PDLIM3: variants seen among roughly 807,000 people sequenced by gnomAD.
PDLIM3 encodes PDZ and LIM domain protein 3.
A neutral mutation model predicts 37.3 loss-of-function variants in PDLIM3; 36 were observed. That is an observed-to-expected ratio of 0.97 (90% CI 0.74 to 1.28). The LOEUF (loss-of-function observed/expected upper bound fraction) is 1.28, where lower values mean the gene tolerates loss of function less well. Ranked by LOEUF, PDLIM3 falls within the 50% of genes most tolerant of loss-of-function variation. PDLIM3 has a pLI of 0.00. For missense variants in PDLIM3, 454 were observed against 485.0 expected, an observed-to-expected ratio of 0.94 and a Z score of 0.60; for synonymous variants, 174 against 182.4, an observed-to-expected ratio of 0.95 and a Z score of 0.37.
chr4:185,501,561 TTAAC>T lies in PDLIM3; in HGVS notation c.*729_*732del, dbSNP rs1371622987. ...TAATTTGAAAGAGACTGAACTACCT[TTAAC>T]TAGCAAATTTCAACGCTTCTATCAT... On this transcript the variant is annotated 3_prime_UTR_variant, in exon 8 of 8. Coordinates refer to ENST00000284767, the MANE Select transcript of PDLIM3 (RefSeq NM_014476.6). The T allele has an allele frequency of 3.3e-5, 5 of 152,314 alleles. No homozygotes were observed. The highest frequency in any genetic ancestry group is 2.1e-4 in the South Asian group (1 of 4,842). 9.4% of individuals were successfully genotyped at this position (152,314 alleles called of 1,614,324 possible).
chr4:185,530,021 CT>C (rs2095741239), intron 1 of PDLIM3, among the ~76,000 whole-genome samples: 1 of 152,234 alleles, frequency 6.6e-6, no homozygotes, highest in East Asian at 1.9e-4. Flanking sequence ...ATACATGTTC[CT>C]TTTTTTCTGC....
chr4:185,516,537 G>C (rs2095715273), intron 3 of PDLIM3: 1 of 152,184 alleles, frequency 6.6e-6, no homozygotes, highest in Admixed American at 6.5e-5. Flanking sequence ...TAAGACCAGA[G>C]TTTTTCATAG....
Position 185,502,452 on chromosome 4 carries a change from G to C in PDLIM3, c.937C>G (p.Arg313Gly), listed in dbSNP as rs144286715. ...GCACACACGAAGCACTCAGGGTGCC[G>C]GTACTTATCCCGCGCCTTCACCACA... is the stretch of plus-strand genomic sequence containing the variant. The part of the protein sequence containing the change: ...GAVVKARDKY[R>G]HPECFVCADC... The change falls in exon 8 of 8, where the codon CGG becomes GGG. Residue 313 changes from arginine (R) to glycine (G), a missense_variant. Arg to Gly is a moderately radical substitution (Grantham distance 125). Coordinates refer to ENST00000284767, the MANE Select transcript of PDLIM3 (RefSeq NM_014476.6). 6.2e-7 allele frequency: 1 copy of C among 1,614,030 alleles called. No homozygotes were observed. Among genetic ancestry groups the C allele is most frequent in the Non-Finnish European group, 8.5e-7 (1 of 1,180,046 alleles).
Position 185,516,431 on chromosome 4 carries a change from TG to T in PDLIM3, c.331-2095del, listed in dbSNP as rs1048005607. 6.6e-5 allele frequency: 10 copies of T among 152,194 alleles called. 1 individual carries two copies. Among genetic ancestry groups the T allele is most frequent in the Admixed American group, 5.2e-4 (8 of 15,282 alleles). 9.4% of individuals were successfully genotyped at this position (152,194 alleles called of 1,614,324 possible). ...TTTCTCCTTTTCATTTCAGATAAGT[TG>T]TGGGTTATGCTTTTCTGTTAGAAAA... On this transcript the variant is annotated intron_variant, in intron 3 of 7. Transcript: ENST00000284767.
chr4:185,510,954 G>A (rs2095705607), intron 4 of PDLIM3, among the ~76,000 whole-genome samples: 1 of 152,226 alleles, frequency 6.6e-6, no homozygotes, highest in Admixed American at 6.5e-5. Flanking sequence ...GGGTCACCAC[G>A]ACCTGTTCCT....
intron 3 of PDLIM3, among the ~76,000 whole-genome samples, chr4:185,520,026 T>C (rs1273313686): frequency 2.6e-5 from 4 of 152,246 alleles, no homozygotes; most frequent in African/African-American, 4.8e-5. Context: ...AGCTTTGTAT[T>C]ACTTAGAAAA....
chr4:185,524,980 CA>C (rs1580261447), intron 2 of PDLIM3, 39 bp downstream of exon 2: 6 of 1,606,696 alleles, frequency 3.7e-6, no homozygotes, highest in Non-Finnish European at 5.1e-6. Context: ...GGTTCTCCTG[CA>C]AAACAGATCA....
In PDLIM3 at chr4:185,504,752, A is replaced by T. The variant is rs1448896583; in HGVS notation, c.794-166T>A. On this transcript the variant is annotated intron_variant, in intron 6 of 7. Coordinates refer to ENST00000284767, the MANE Select transcript of PDLIM3 (RefSeq NM_014476.6). This position sits in a 1 kb window ranked among gnomAD's most constrained non-coding sequence, Gnocchi z 4.7. ...AAGGGACGCTGTTCTGAAATAGGGC[A>T]TTATAGAATGGAATTAGTGAAAACA... Among the ~76,000 whole-genome samples, 1 of 152,252 alleles carries T rather than the reference A, an allele frequency of 6.6e-6. No individual in the cohort carries two copies. The highest frequency in any genetic ancestry group is 1.5e-5 in the Non-Finnish European group (1 of 68,050).
At chr4:185,532,737 G>C (rs562917678) in intron 1 of PDLIM3, among the ~76,000 whole-genome samples, 2 of 152,216 alleles carry the variant, frequency 1.3e-5, no homozygotes, top group Non-Finnish European at 1.5e-5. Flanking sequence ...AAGTGATGCC[G>C]CTGAAGGATT....
At chr4:185,507,455 A>G (rs2095699590) in intron 5 of PDLIM3, among the ~76,000 whole-genome samples, 1 of 152,166 alleles carries the variant, frequency 6.6e-6, no homozygotes, top group Admixed American at 6.5e-5. Context: ...TATCTGTAAT[A>G]TTTTTATTCC....
chr4:185,511,930 G>T (rs2153334336), intron 4 of PDLIM3, among the ~76,000 whole-genome samples: 1 of 152,082 alleles, frequency 6.6e-6, no homozygotes, highest in South Asian at 2.1e-4. Flanking sequence ...AACTACATTT[G>T]TTTTAAAAGT....
In PDLIM3 at chr4:185,502,380, C is replaced by T; in HGVS notation, c.1009G>A (p.Gly337Arg). ...GCGTGGGTTTCGCAGTACAGCTCCC[C>T]TTCTATGAAGAAGTAGCCCTTTTGC... ...LKQKGYFFIE[G>R]ELYCETHARA... Residue 337 changes from glycine (G) to arginine (R), a missense_variant, in exon 8 of 8, where the codon GGG becomes AGG. Coordinates refer to ENST00000284767, the MANE Select transcript of PDLIM3 (RefSeq NM_014476.6). 1 of 1,614,248 alleles carries T rather than the reference C, an allele frequency of 6.2e-7. No homozygotes were observed. The highest frequency in any genetic ancestry group is 8.5e-7 in the Non-Finnish European group (1 of 1,180,034).
chr4:185,523,275 T>C, intron 3 of PDLIM3, 87 bp downstream of exon 3: 1 of 886,144 alleles, frequency 1.1e-6, no homozygotes, highest in South Asian at 1.4e-5. Flanking sequence ...TGTTCCAATT[T>C]TTCTATTTGT....
At chr4:185,518,490 AATC>A (rs1384814996) in intron 3 of PDLIM3, among the ~76,000 whole-genome samples, 2 of 152,018 alleles carry the variant, frequency 1.3e-5, no homozygotes, top group Non-Finnish European at 2.9e-5. Context: ...GTGTATATAA[AATC>A]AAATCATATA....
chr4:185,502,696 T>C (rs1225159304), intron 7 of PDLIM3, among the ~76,000 whole-genome samples: 2 of 152,226 alleles, frequency 1.3e-5, no homozygotes, highest in African/African-American at 4.8e-5. Context: ...TTCTCTCTGA[T>C]GTTGACGTGT....
In PDLIM3 at chr4:185,506,651, C is replaced by T. The variant is rs768821275; in HGVS notation, c.664G>A (p.Glu222Lys). 14 of 1,603,898 alleles carry T rather than the reference C, an allele frequency of 8.7e-6. No individual in the cohort carries two copies. The highest frequency in any genetic ancestry group is 3.3e-4 in the Middle Eastern group (2 of 6,082). The change falls in exon 6 of 8, where the codon GAG becomes AAG. Residue 222 changes from glutamate (E) to lysine (K), a missense_variant and splice_region_variant. Transcript: ENST00000284767. ...TCGGGGGGCACCGAGGCTGTGGGCTCGCTGAAACACAGGCACGGCGGGGAG... is the reference window on the plus strand; with the variant it reads ...TCGGGGGGCACCGAGGCTGTGGGCTTGCTGAAACACAGGCACGGCGGGGAG... Reference protein sequence around the residue: ...TALGETPLMSEPTASVPPESD... With the variant: ...TALGETPLMSKPTASVPPESD...
chr4:185,534,955 C>T (rs533665700), intron 1 of PDLIM3, among the ~76,000 whole-genome samples: 4 of 152,316 alleles, frequency 2.6e-5, no homozygotes, highest in Admixed American at 2.0e-4. Flanking sequence ...CACCCGGGAC[C>T]CATCATTTGT....
chr4:185,529,549 C>T (rs187455281), intron 1 of PDLIM3, among the ~76,000 whole-genome samples: 2 of 152,276 alleles, frequency 1.3e-5, no homozygotes, highest in African/African-American at 2.4e-5. Flanking sequence ...AAATAGACTC[C>T]GCGTGCCTCC....
intron 1 of PDLIM3, 109 bp downstream of exon 1, chr4:185,535,233 C>T: frequency 1.0e-6 from 1 of 987,968 alleles, no homozygotes; most frequent in Non-Finnish European, 1.5e-6. Flanking sequence ...CCCGTCCGCC[C>T]GCCCTCGCGC....
Sources: allele counts gnomAD v4.1 joint callset (sites outside exome capture counted in the v4.1 genomes callset), GRCh38; gene constraint gnomAD v4.1.1; non-coding constraint Gnocchi (gnomAD v3.1); transcripts MANE v1.5; gene names NCBI Gene and HGNC (gene_info 2026-07-23, HGNC 2026-07-21).